Variants in CORO2A observed in about 807,000 individuals in gnomAD.
CORO2A encodes the protein coronin 2A.
Under a neutral mutation model 62.4 loss-of-function variants are expected in CORO2A, and 47 were observed. That is an observed-to-expected ratio of 0.75 (90% confidence interval 0.60 to 0.96). The LOEUF is 0.96. Ranked by LOEUF, CORO2A falls within the 40% of genes least tolerant of loss-of-function variation. CORO2A has a pLI of 0.00. For missense variants in CORO2A, 610 were observed against 684.1 expected, an observed-to-expected ratio of 0.89 and a Z score of 1.21; for synonymous variants, 273 against 268.9, an observed-to-expected ratio of 1.02 and a Z score of -0.15.
At chr9:98,125,595 G>C (rs1827304774) in intron 11 of CORO2A, among the ~76,000 whole-genome samples, 1 of 151,990 alleles carries the variant, frequency 6.6e-6, no homozygotes, top group South Asian at 2.1e-4. Context: ...CCACACAGTA[G>C]GCACTAAACA....
intron 1 of CORO2A, among the ~76,000 whole-genome samples, chr9:98,172,346 C>T (rs1828049284): frequency 8.3e-6 from 1 of 120,740 alleles, no homozygotes; most frequent in Admixed American, 8.1e-5. Flanking sequence ...GCCCCACACC[C>T]CACTTCTGAG....
At chr9:98,130,891 C>A in intron 7 of CORO2A, 64 bp downstream of exon 7, 1 of 1,371,250 alleles carries the variant, frequency 7.3e-7, no homozygotes, top group Non-Finnish European at 1.0e-6. Context: ...CCAATGGCCC[C>A]AGGCTGCTGT....
At position 98,134,856 on chromosome 9, in the gene CORO2A, A is replaced by C; in HGVS notation, c.418T>G (p.Trp140Gly). Residue 140 changes from tryptophan to glycine, a missense_variant, in exon 4 of 12, where the codon TGG (tryptophan) becomes GGG (glycine). Physicochemically the swap from Trp to Gly is radical, Grantham distance 184. Transcript: ENST00000375077. ...GHARRVGLVE[W>G]HPTAANILFS... ...AGGATGTTGGCGGCCGTGGGGTGCC[A>C]CTCCACCAGGCCTACTCTGCGCGCG... 2.5e-6 allele frequency: 4 copies of C among 1,613,760 alleles called. No individual in the cohort carries two copies. Among genetic ancestry groups the C allele is most frequent in the Non-Finnish European group, 3.4e-6 (4 of 1,179,894 alleles).
chr9:98,139,108 A>G (rs1444895847), intron 2 of CORO2A, among the ~76,000 whole-genome samples: 1 of 151,742 alleles, frequency 6.6e-6, no homozygotes, highest in East Asian at 1.9e-4. Flanking sequence ...AGAAGGCAAG[A>G]TTCTGGTTGC....
intron 2 of CORO2A, among the ~76,000 whole-genome samples, chr9:98,146,645 T>C (rs932301145): frequency 6.6e-6 from 1 of 152,150 alleles, no homozygotes; most frequent in Non-Finnish European, 1.5e-5. Context: ...TGGTAACAAG[T>C]AGGAGCTGAT....
At chr9:98,136,654 T>C (rs1414211075) in intron 3 of CORO2A, among the ~76,000 whole-genome samples, 2 of 152,204 alleles carry the variant, frequency 1.3e-5, no homozygotes, top group Non-Finnish European at 2.9e-5. Flanking sequence ...TTGCTCTGCC[T>C]CCCACAGGCT....
chr9:98,124,886 C>G lies in CORO2A; in HGVS notation c.1466G>C (p.Arg489Pro). 2 of 1,572,168 alleles carry G rather than the reference C, an allele frequency of 1.3e-6. No individual in the cohort carries two copies. The highest frequency in any genetic ancestry group is 2.3e-5 in the South Asian group (2 of 86,502). ...GAGCCTTCGGATCTCCTCCTGTTGCCGGTAGAACATCTGCAGCAACTGGGG... is the reference window on the plus strand; with the variant it reads ...GAGCCTTCGGATCTCCTCCTGTTGCGGGTAGAACATCTGCAGCAACTGGGG... ...TENELLQMFY[R>P]QQEEIRRLRE... Residue 489 changes from arginine (R) to proline (P), a missense_variant, in exon 12 of 12, where the codon CGG (arginine) becomes CCG (proline). Coordinates refer to ENST00000375077, the MANE Select transcript of CORO2A (RefSeq NM_052820.4).
chr9:98,137,613 A>G lies in CORO2A; in HGVS notation c.277T>C (p.Phe93Leu). ...GNVLDVKWNP[F>L]DDFEIASCSE... ...CAGGAGGCGATCTCAAAATCATCAAAAGGGTTCCACTTGACATCCAAAACG... is the reference window on the plus strand; with the variant it reads ...CAGGAGGCGATCTCAAAATCATCAAGAGGGTTCCACTTGACATCCAAAACG... The change falls in exon 3 of 12, where the codon TTT (phenylalanine) becomes CTT (leucine). Residue 93 changes from phenylalanine to leucine, a missense_variant. Phe to Leu is a conservative substitution (Grantham distance 22, BLOSUM62 0). Transcript: ENST00000375077. The G allele has an allele frequency of 3.1e-6, 5 of 1,614,180 alleles. No homozygotes were observed. The Middle Eastern group carries it at 5.0e-4, about 160-fold the overall frequency.
intron 1 of CORO2A, among the ~76,000 whole-genome samples, chr9:98,160,174 T>C (rs1827864453): frequency 6.6e-6 from 1 of 152,200 alleles, no homozygotes; most frequent in Admixed American, 6.5e-5. Flanking sequence ...TACAGGAAGC[T>C]GCACAGAATG....
At chr9:98,128,808 A>T in intron 8 of CORO2A, 89 bp from the exon 9 acceptor site, 4 of 990,544 alleles carry the variant, frequency 4.0e-6, no homozygotes, top group Non-Finnish European at 6.4e-6. Flanking sequence ...CTGGACCTGA[A>T]CAGAGACCAG....
intron 1 of CORO2A, among the ~76,000 whole-genome samples, chr9:98,178,875 A>G (rs2118927262): frequency 6.6e-6 from 1 of 152,346 alleles, no homozygotes; most frequent in South Asian, 2.1e-4. Context: ...GATCTAGTCT[A>G]CCCTTCACTT....
chr9:98,187,835 T>C (rs12345418), intron 1 of CORO2A, among the ~76,000 whole-genome samples: 11,667 of 152,242 alleles, frequency 0.077, 621 homozygotes, highest in Non-Finnish European at 0.11. Context: ...AATCTGGCCA[T>C]GTTCCTACCC....
intron 2 of CORO2A, among the ~76,000 whole-genome samples, chr9:98,151,944 G>T (rs2118860741): frequency 6.6e-6 from 1 of 151,332 alleles, no homozygotes; most frequent in South Asian, 2.1e-4. Flanking sequence ...AGCCTCCCAT[G>T]TAGCTGGGAC....
chr9:98,155,577 C>A (rs550523581), intron 2 of CORO2A, among the ~76,000 whole-genome samples: 45 of 152,120 alleles, frequency 3.0e-4, no homozygotes, highest in African/African-American at 8.9e-4. Context: ...GAACTCCTGA[C>A]CTCATGATCC....
intron 2 of CORO2A, among the ~76,000 whole-genome samples, chr9:98,138,808 G>A (rs760613369): frequency 2.0e-5 from 3 of 152,088 alleles, no homozygotes; most frequent in Non-Finnish European, 2.9e-5. Flanking sequence ...CAGCACTTTG[G>A]GGGGCCGAGG....
rs201721099 is a variant in CORO2A at position 98,126,493 on chromosome 9, G to A, written c.1446+56C>T. 1.1e-5 allele frequency: 18 copies of A among 1,577,360 alleles called. No individual in the cohort carries two copies. The East Asian group carries it at 3.6e-4, about 32-fold the overall frequency. ...TCTCCCTTCTTCTCAGCCTGGATCT[G>A]TTCCCCTCCACCCCAGCTGCCCCAT... On this transcript the variant is annotated intron_variant, in intron 11 of 11. Coordinates refer to ENST00000375077, the MANE Select transcript of CORO2A (RefSeq NM_052820.4).
chr9:98,182,064 C>T (rs73498784), intron 1 of CORO2A, among the ~76,000 whole-genome samples: 13,836 of 152,168 alleles, frequency 0.091, 1,276 homozygotes, highest in African/African-American at 0.24. Context: ...CTACTCTGCA[C>T]GCCCTTCACT....
rs115220989 is a variant in CORO2A at position 98,180,213 on chromosome 9, C to T, written c.-1+12346G>A. On this transcript the variant is annotated intron_variant, in intron 1 of 11. Transcript: ENST00000375077. Reference sequence around the variant, plus strand: ...CCTCTTATACTGAGCCAAACCAGACCCTACGTTCATCGCATCCCATATAGG... The same window carrying T: ...CCTCTTATACTGAGCCAAACCAGACTCTACGTTCATCGCATCCCATATAGG... 8.8e-3 allele frequency among the ~76,000 whole-genome samples: 1,334 copies of T among 152,190 alleles called. 19 individuals carry two copies. The highest frequency in any genetic ancestry group is 0.03 in the African/African-American group (1,265 of 41,510).
chr9:98,127,350 G>A (rs1365229614), intron 10 of CORO2A, among the ~76,000 whole-genome samples: 1 of 152,212 alleles, frequency 6.6e-6, no homozygotes. Flanking sequence ...CACTGGGGTG[G>A]GGGTGAAGGA....
Sources: allele counts gnomAD v4.1 joint callset (sites outside exome capture counted in the v4.1 genomes callset), GRCh38; gene constraint gnomAD v4.1.1; transcripts MANE v1.5; gene names NCBI Gene and HGNC (gene_info 2026-07-23, HGNC 2026-07-21).